Variants in ZFAT observed in about 807,000 individuals in gnomAD.
ZFAT encodes zinc finger protein ZFAT.
Under a neutral mutation model 117.7 loss-of-function variants are expected in ZFAT, and 64 were observed. The ratio of observed to expected loss-of-function variants is 0.54; its 90% confidence interval spans 0.44 to 0.67. The LOEUF (loss-of-function observed/expected upper bound fraction) is 0.67. ZFAT is among the 30% of genes least tolerant of loss of function. The pLI, the probability that ZFAT is intolerant of heterozygous loss-of-function variation, is 0.00. For missense variants in ZFAT, 1,433 were observed against 1,584.5 expected (o/e 0.90, Z 1.62); for synonymous variants, 679 against 615.0 (o/e 1.10, Z -1.54).
At position 134,610,859 on chromosome 8, in the gene ZFAT, C is replaced by CAGGCCATCACCT. The variant is rs750167017; in HGVS notation, c.449-216_449-205dup. ...AGTACATGTTCACTGCTCCCCGCCA[C>CAGGCCATCACCT]AGGCCATCACCTAGGCCCTGGGCGT... On this transcript the variant is annotated intron_variant, in intron 3 of 15. Coordinates refer to ENST00000377838, the MANE Select transcript of ZFAT (RefSeq NM_020863.4). 4.7e-3 allele frequency among the ~76,000 whole-genome samples: 721 copies of CAGGCCATCACCT among 152,336 alleles called. 2 individuals carry two copies. Among genetic ancestry groups the CAGGCCATCACCT allele is most frequent in the Non-Finnish European group, 7.8e-3 (529 of 68,028 alleles).
At chr8:134,558,825 A>G (rs1823842546) in intron 11 of ZFAT, among the ~76,000 whole-genome samples, 1 of 152,238 alleles carries the variant, frequency 6.6e-6, no homozygotes, top group African/African-American at 2.4e-5. Flanking sequence ...GAAGACAAAC[A>G]TCACTATCAG....
chr8:134,812,654 G>C, the ZFAT span, among the ~76,000 whole-genome samples: 35 of 152,204 alleles, frequency 2.3e-4, no homozygotes, highest in Admixed American at 2.2e-3. Context: ...AGAATCATTT[G>C]AACCCCTAGA....
the ZFAT span, among the ~76,000 whole-genome samples, chr8:134,748,882 G>A: frequency 1.3e-5 from 2 of 151,952 alleles, no homozygotes; most frequent in South Asian, 4.2e-4. Flanking sequence ...ACATGTTCAA[G>A]TCTTTGCCTA....
At chr8:134,739,462 C>T in the ZFAT span, among the ~76,000 whole-genome samples, 4 of 152,204 alleles carry the variant, frequency 2.6e-5, no homozygotes, top group South Asian at 2.1e-4. Flanking sequence ...AGCTTCATAA[C>T]CTAGGGCAGG....
the ZFAT span, among the ~76,000 whole-genome samples, chr8:134,753,872 T>C: frequency 6.6e-6 from 1 of 152,230 alleles, no homozygotes; most frequent in African/African-American, 2.4e-5. Context: ...CACTAAGATA[T>C]TATGCTTAAA....
chr8:134,780,472 T>C, the ZFAT span, among the ~76,000 whole-genome samples: 1 of 152,260 alleles, frequency 6.6e-6, no homozygotes, highest in Non-Finnish European at 1.5e-5. Flanking sequence ...CTTGTCCACA[T>C]GAATGTATTC....
intron 11 of ZFAT, among the ~76,000 whole-genome samples, chr8:134,553,513 T>A (rs140351270): frequency 6.5e-4 from 99 of 152,248 alleles, no homozygotes; most frequent in Middle Eastern, 6.8e-3. Flanking sequence ...AGTGACATAT[T>A]TATGTGGTCA....
At chr8:134,827,604 C>T in the ZFAT span, among the ~76,000 whole-genome samples, 1 of 151,806 alleles carries the variant, frequency 6.6e-6, no homozygotes, top group African/African-American at 2.4e-5. Context: ...CCCGTCTCTA[C>T]TGAAAATACA....
chr8:134,519,448 A>G (rs556545270), intron 13 of ZFAT, among the ~76,000 whole-genome samples: 1 of 152,322 alleles, frequency 6.6e-6, no homozygotes, highest in South Asian at 2.1e-4. Context: ...ATGTGTGCAT[A>G]TATTAGCATA....
At chr8:134,620,943 T>G (rs1377157096) in intron 3 of ZFAT, among the ~76,000 whole-genome samples, 1 of 152,208 alleles carries the variant, frequency 6.6e-6, no homozygotes, top group Admixed American at 6.5e-5. Flanking sequence ...GATGCCATTT[T>G]CAAAATGAAC....
At chr8:134,741,692 AC>A in the ZFAT span, among the ~76,000 whole-genome samples, 38 of 152,116 alleles carry the variant, frequency 2.5e-4, no homozygotes, top group African/African-American at 9.2e-4. Context: ...CCCAGTCCAG[AC>A]CTTCCTTCTT....
chr8:134,662,651 T>G (rs1831990406), intron 1 of ZFAT, among the ~76,000 whole-genome samples: 1 of 152,232 alleles, frequency 6.6e-6, no homozygotes, highest in Non-Finnish European at 1.5e-5. Context: ...CGCCAAGCAC[T>G]GGCTACACTG....
chr8:134,764,272 G>T, the ZFAT span, among the ~76,000 whole-genome samples: 1 of 152,164 alleles, frequency 6.6e-6, no homozygotes, highest in Admixed American at 6.5e-5. Context: ...GTCCTTGCTA[G>T]TTCTCTCATC....
chr8:134,762,584 C>T, the ZFAT span, among the ~76,000 whole-genome samples: 1 of 152,158 alleles, frequency 6.6e-6, no homozygotes, highest in Non-Finnish European at 1.5e-5. Context: ...CTTTTTCTGA[C>T]TTCTAAATGT....
intron 1 of ZFAT, among the ~76,000 whole-genome samples, chr8:134,707,669 C>T (rs1236131231): frequency 6.6e-6 from 1 of 152,198 alleles, no homozygotes; most frequent in Non-Finnish European, 1.5e-5. Context: ...CTCTTTTCCC[C>T]CACTGCCCAC....
intron 2 of ZFAT, among the ~76,000 whole-genome samples, chr8:134,649,526 T>C (rs1279772011): frequency 6.6e-6 from 1 of 152,080 alleles, no homozygotes; most frequent in Non-Finnish European, 1.5e-5. Context: ...GGATAAAATA[T>C]CTATATACAA....
At chr8:134,703,175 T>C (rs571632978) in intron 1 of ZFAT, among the ~76,000 whole-genome samples, 3 of 152,356 alleles carry the variant, frequency 2.0e-5, no homozygotes, top group East Asian at 3.9e-4. Flanking sequence ...GGGATTGTCT[T>C]TTTAATTTTT....
chr8:134,750,765 C>CA, the ZFAT span, among the ~76,000 whole-genome samples: 6 of 151,976 alleles, frequency 3.9e-5, no homozygotes, highest in Non-Finnish European at 7.4e-5. Flanking sequence ...GACCCTGTCT[C>CA]AAAAACAAAC....
At chr8:134,765,730 C>A in the ZFAT span, 1 of 151,956 alleles carries the variant, frequency 6.6e-6, no homozygotes, top group African/African-American at 2.4e-5. Flanking sequence ...AAGTCTATGG[C>A]TGCCTGCACC....
Sources: gnomAD v4.1 joint callset for allele counts (sites outside exome capture counted in the v4.1 genomes callset) on GRCh38, gnomAD v4.1.1 for gene constraint, MANE v1.5 for transcripts, NCBI Gene and HGNC (gene_info 2026-07-23, HGNC 2026-07-21) for gene names.